The following CEP192 variants were observed in gnomAD, a reference collection of about 807,000 sequenced individuals.
CEP192 encodes the protein centrosomal protein of 192 kDa.
CEP192 carries 151 observed loss-of-function variants against 271.8 expected under a neutral mutation model. The ratio of observed to expected loss-of-function variants is 0.56; its 90% CI spans 0.49 to 0.64. The LOEUF (loss-of-function observed/expected upper bound fraction) is 0.64, where lower values mean the gene tolerates loss of function less well. Ranked by LOEUF, CEP192 falls within the 30% of genes least tolerant of loss-of-function variation. The pLI, the probability that CEP192 is intolerant of heterozygous loss-of-function variation, is 0.00. For missense variants in CEP192, 2,910 were observed against 3,020.5 expected, an observed-to-expected ratio of 0.96 and a Z score of 0.86; for synonymous variants, 995 against 1,076.5, an observed-to-expected ratio of 0.92 and a Z score of 1.48.
At chr18:13,053,278 A>G (rs1012319386) in intron 18 of CEP192, among the ~76,000 whole-genome samples, 188 bp downstream of exon 18, 6 of 152,198 alleles carry the variant, frequency 3.9e-5, no homozygotes, top group African/African-American at 1.2e-4. Flanking sequence ...AGGTACAAAC[A>G]TTTTAGGATC....
rs747909416 is a variant in CEP192 at position 13,096,235 on chromosome 18, T to C, written c.6485T>C (p.Leu2162Ser). 1 of 1,614,064 alleles carries C rather than the reference T, an allele frequency of 6.2e-7. No homozygotes were observed. Among genetic ancestry groups the C allele is most frequent in the South Asian group, 1.1e-5 (1 of 91,088 alleles). ...CAGATTGTGAATAACTCTGTGAGGT[T>C]ACTGAGATTTGAGCTGTGCTGGCCA... ...RFQIVNNSVR[L>S]LRFELCWPAH... Residue 2162 changes from leucine (L) to serine (S), a missense_variant, in exon 36 of 45, where the codon TTA becomes TCA. By Grantham distance (145) the Leu-to-Ser change is moderately radical. Transcript: ENST00000506447.
chr18:13,007,282 T>C (rs1174620307), intron 3 of CEP192, among the ~76,000 whole-genome samples: 1 of 152,216 alleles, frequency 6.6e-6, no homozygotes, highest in Admixed American at 6.5e-5. Flanking sequence ...CTTGCCTCTT[T>C]AACTTGAAAC....
chr18:13,025,717 C>G (rs962376732), intron 9 of CEP192, among the ~76,000 whole-genome samples: 9 of 152,040 alleles, frequency 5.9e-5, no homozygotes, highest in Non-Finnish European at 1.3e-4. Flanking sequence ...CAAAATATTC[C>G]TAATTCTTCC....
intron 21 of CEP192, among the ~76,000 whole-genome samples, chr18:13,064,504 T>C (rs1042437803): frequency 6.7e-6 from 1 of 149,794 alleles, no homozygotes; most frequent in Non-Finnish European, 1.5e-5. Flanking sequence ...CCCAGCTACT[T>C]GGGAGGCTGA....
Position 13,099,595 on chromosome 18 carries a change from T to C in CEP192, c.6663+14T>C. The C allele has an allele frequency of 1.4e-6, 2 of 1,405,584 alleles. No individual in the cohort carries two copies. The highest frequency in any genetic ancestry group is 2.0e-6 in the Non-Finnish European group (2 of 1,024,342). The allele number at this position is 1,405,584 out of a possible 1,614,324, so 87.1% of individuals were successfully genotyped here. A position where few individuals can be genotyped will look rare whatever the true frequency, so the allele number is the denominator to read the frequency against. ...GATGGACAGAAGGTACTTTTAAAAG[T>C]GGTTTGGTTTTTTTTTTGAGTGACA... On this transcript the variant is annotated intron_variant, in intron 37 of 44. Transcript: ENST00000506447.
Position 13,124,895 on chromosome 18 carries a change from GT to G in CEP192, c.*130del, listed in dbSNP as rs1204442325. Reference sequence around the variant, plus strand: ...ATGGATATCTATAATTGTAGATTTTGTTTTTACAAGCTAATACTGAAGACTC... The same window carrying G: ...ATGGATATCTATAATTGTAGATTTTGTTTTACAAGCTAATACTGAAGACTC... On this transcript the variant is annotated 3_prime_UTR_variant, in exon 45 of 45. Coordinates refer to ENST00000506447, the MANE Select transcript of CEP192 (RefSeq NM_032142.4). 1.1e-5 allele frequency: 9 copies of G among 820,482 alleles called. No homozygotes were observed. Among genetic ancestry groups the G allele is most frequent in the African/African-American group, 3.4e-5 (2 of 58,050 alleles). The allele number at this position is 820,482 out of a possible 1,614,324, so 50.8% of individuals were successfully genotyped here.
chr18:13,078,050 A>G (rs965625863), intron 30 of CEP192, among the ~76,000 whole-genome samples: 4 of 152,124 alleles, frequency 2.6e-5, no homozygotes, highest in African/African-American at 9.7e-5. Flanking sequence ...CCCGTCATCT[A>G]CATTAGGTAT....
At chr18:13,027,156 G>A (rs1294851153) in intron 9 of CEP192, among the ~76,000 whole-genome samples, 6 of 152,170 alleles carry the variant, frequency 3.9e-5, no homozygotes, top group African/African-American at 1.4e-4. Flanking sequence ...AGGGTGGCTA[G>A]AGGGAGCTGG....
At chr18:13,030,674 GTA>G in intron 11 of CEP192, 66 bp downstream of exon 11, 1 of 1,287,024 alleles carries the variant, frequency 7.8e-7, no homozygotes, top group Non-Finnish European at 1.1e-6. Flanking sequence ...AGATTACTGT[GTA>G]TATGTTGGTC....
rs141618343 is a variant in CEP192, at chr18:13,056,047, G to A, written c.3457G>A (p.Val1153Ile). 2,801 of 1,614,198 alleles carry A rather than the reference G, an allele frequency of 1.7e-3. 36 individuals carry two copies. The highest frequency in any genetic ancestry group is 0.015 in the South Asian group (1,331 of 91,084). The change falls in exon 19 of 45, where the codon GTA becomes ATA. Residue 1153 changes from valine (V) to isoleucine (I), a missense_variant. Physicochemically the swap from Val to Ile is conservative, Grantham distance 29 (BLOSUM62 3). Coordinates refer to ENST00000506447, the MANE Select transcript of CEP192 (RefSeq NM_032142.4). ...KSGNLLETSE[V>I]GWTSNPEELD... ...TGGAAATCTGTTGGAAACCAGTGAG[G>A]TAGGTTGGACATCAAACCCTGAGGA...
intron 15 of CEP192, among the ~76,000 whole-genome samples, chr18:13,044,613 T>C (rs1189496922): frequency 6.6e-6 from 1 of 152,198 alleles, no homozygotes; most frequent in Non-Finnish European, 1.5e-5. Context: ...GTCAAATGAT[T>C]TTTGAATATT....
chr18:13,029,705 A>G lies in CEP192; in HGVS notation c.1093A>G (p.Ile365Val). The G allele has an allele frequency of 5.2e-6, 8 of 1,550,678 alleles. No homozygotes were observed. The highest frequency in any genetic ancestry group is 4.8e-5 in the South Asian group (4 of 83,918). The change falls in exon 10 of 45, where the codon ATT (isoleucine) becomes GTT (valine). Residue 365 changes from isoleucine to valine, a missense_variant. By Grantham distance (29) the Ile-to-Val change is conservative. Coordinates refer to ENST00000506447, the MANE Select transcript of CEP192 (RefSeq NM_032142.4). The stretch of plus-strand genomic sequence containing the variant: ...TGTTCTGGTGAAGACCCTCAGGGCT[A>G]TTGATGTGAAACTTAACTCTGATAA... ...KDVLVKTLRA[I>V]DVKLNSDNFH...
chr18:13,118,512 C>T (rs905791857), intron 44 of CEP192, among the ~76,000 whole-genome samples: 6 of 152,176 alleles, frequency 3.9e-5, no homozygotes, highest in African/African-American at 1.4e-4. Flanking sequence ...TCTCTCACAC[C>T]ACCTCTTCCT....
intron 27 of CEP192, among the ~76,000 whole-genome samples, chr18:13,070,717 C>T (rs1445521916): frequency 6.6e-6 from 1 of 152,244 alleles, no homozygotes; most frequent in Non-Finnish European, 1.5e-5. Context: ...GTCAGGCCTG[C>T]ACCAGTGTGA....
At chr18:13,085,216 AT>A (rs1480903498) in intron 30 of CEP192, among the ~76,000 whole-genome samples, 3 of 151,856 alleles carry the variant, frequency 2.0e-5, no homozygotes, top group Non-Finnish European at 4.4e-5. Flanking sequence ...ATCTGTTCAT[AT>A]CCTTTGCCCA....
chr18:13,010,510 C>T (rs1417887928), intron 4 of CEP192, among the ~76,000 whole-genome samples: 1 of 152,192 alleles, frequency 6.6e-6, no homozygotes, highest in African/African-American at 2.4e-5. Context: ...AATTGGATTT[C>T]AGAATTAAAA....
intron 40 of CEP192, among the ~76,000 whole-genome samples, chr18:13,112,652 T>G (rs1297127700): frequency 6.6e-6 from 1 of 152,192 alleles, no homozygotes; most frequent in African/African-American, 2.4e-5. Context: ...CCTTCCTTCA[T>G]CTTCTTAGTG....
At chr18:13,085,609 A>G (rs551839060) in intron 30 of CEP192, among the ~76,000 whole-genome samples, 7 of 152,340 alleles carry the variant, frequency 4.6e-5, no homozygotes, top group Admixed American at 3.3e-4. Flanking sequence ...AGTTTTCTGC[A>G]TATGGCTAGC....
intron 1 of CEP192, among the ~76,000 whole-genome samples, chr18:12,995,125 G>A (rs1325665990): frequency 7.0e-6 from 1 of 142,426 alleles, no homozygotes; most frequent in South Asian, 2.2e-4. Flanking sequence ...ACAGTGGCGC[G>A]ATCTCGGCTC....
Sources: gnomAD v4.1 joint callset for allele counts (sites outside exome capture counted in the v4.1 genomes callset) on GRCh38, gnomAD v4.1.1 for gene constraint, MANE v1.5 for transcripts, NCBI Gene and HGNC (gene_info 2026-07-23, HGNC 2026-07-21) for gene names.